The following HCAR1 variants were observed in gnomAD, a reference collection of about 807,000 sequenced individuals.
HCAR1 encodes hydroxycarboxylic acid receptor 1, also known as G protein-coupled receptor 104.
For missense variants in HCAR1, 445 were observed against 448.7 expected, an observed-to-expected ratio of 0.99 and a Z score of 0.07; for synonymous variants, 183 against 182.1, an observed-to-expected ratio of 1.01 and a Z score of -0.04.
In HCAR1 at chr12:122,730,320, C is replaced by G. The variant is rs764351056; in HGVS notation, c.20G>C (p.Cys7Ser). ...GGAGATGGTGTCCCCCTCGATGCGG[C>G]AGCACGACCCGTTGTACATGGCGGG... The part of the protein sequence containing the change: MYNGSC[C>S]RIEGDTISQV... Residue 7 changes from cysteine (C) to serine (S), a missense_variant, in exon 1 of 1, where the codon TGC becomes TCC. By Grantham distance (112) the Cys-to-Ser change is moderately radical (BLOSUM62 -1). Transcript: ENST00000432564. 1.4e-5 allele frequency: 22 copies of G among 1,582,906 alleles called. No individual in the cohort carries two copies. The South Asian group carries it at 2.5e-4, about 18-fold the overall frequency.
rs1877925902 is a variant in HCAR1, at chr12:122,730,623, C to CAT, written c.-286_-285dup. 8.1e-6 allele frequency: 3 copies of CAT among 369,944 alleles called. No individual in the cohort carries two copies. Among genetic ancestry groups the CAT allele is most frequent in the Non-Finnish European group, 1.0e-5 (2 of 197,966 alleles). The allele number at this position is 369,944 out of a possible 1,614,324, so 22.9% of individuals were successfully genotyped here. A position where few individuals can be genotyped will look rare whatever the true frequency, so the allele number is the denominator to read the frequency against. On this transcript the variant is annotated 5_prime_UTR_variant, in exon 1 of 1. It adds an upstream start codon to the 5' untranslated region. Coordinates refer to ENST00000432564, the MANE Select transcript of HCAR1 (RefSeq NM_032554.4). Reference sequence around the variant, plus strand: ...TGGAGCCGGATGAAGCTTGGAAATGCATGCAATTTTGCAAAAGTGGTCATT... The same window carrying CAT: ...TGGAGCCGGATGAAGCTTGGAAATGCATATGCAATTTTGCAAAAGTGGTCATT...
chr12:122,730,170 A>T lies in HCAR1; in HGVS notation c.170T>A (p.Leu57Ter). 1.2e-6 allele frequency: 2 copies of T among 1,614,192 alleles called. No homozygotes were observed. The highest frequency in any genetic ancestry group is 1.7e-6 in the Non-Finnish European group (2 of 1,180,024). The change falls in exon 1 of 1, where the codon TTG becomes TAG. Residue 57 changes from leucine to a stop codon, truncating the protein, a stop_gained. Coordinates refer to ENST00000432564, the MANE Select transcript of HCAR1 (RefSeq NM_032554.4). LOFTEE classifies it low-confidence loss of function (END_TRUNC). ...WKPSTVYLFN[L>*]AVADFLLMIC... ...CATAAGGAGGAAATCAGCCACGGCC[A>T]AATTGAAAAGGTAAACAGTGCTGGG...
chr12:122,729,164 G>T lies in HCAR1; in HGVS notation c.*135C>A. ...GTGAATTTCATTTCCGACAGAATGA[G>T]AAGGATGCAGTTCATGTGCGAGAAG... is the stretch of plus-strand genomic sequence containing the variant. On this transcript the variant is annotated 3_prime_UTR_variant, in exon 1 of 1. Transcript: ENST00000432564. The T allele has an allele frequency of 1.4e-6, 1 of 737,660 alleles. No homozygotes were observed. The highest frequency in any genetic ancestry group is 2.2e-6 in the Non-Finnish European group (1 of 447,442). The allele number at this position is 737,660 out of a possible 1,614,324, so 45.7% of individuals were successfully genotyped here.
In HCAR1 at chr12:122,728,619, A is replaced by T. The variant is rs1371468732; in HGVS notation, c.*680T>A. The T allele has an allele frequency of 2.6e-5, 4 of 152,730 alleles. No homozygotes were observed. The East Asian group carries it at 5.8e-4, about 22-fold the overall frequency. The allele number at this position is 152,730 out of a possible 1,614,324, so 9.5% of individuals were successfully genotyped here. On this transcript the variant is annotated 3_prime_UTR_variant, in exon 1 of 1. Transcript: ENST00000432564. ...TGCTAACTGCCCCATAGCCCCTAAG[A>T]GAGTGAACATGCCCCATTCAAACAC...
rs1566052666 is a variant in HCAR1 at position 122,730,139 on chromosome 12, G to A, written c.201C>T (p.Cys67=). The A allele has an allele frequency of 6.2e-7, 1 of 1,614,180 alleles. No individual in the cohort carries two copies. Among genetic ancestry groups the A allele is most frequent in the Non-Finnish European group, 8.5e-7 (1 of 1,180,034 alleles). The change falls in exon 1 of 1, where the codon TGC becomes TGT. Residue 67 remains cysteine, a synonymous_variant. Transcript: ENST00000432564. ...GGTAATAGTCTGTCCGAAAAGGCAG[G>A]CAGATCATAAGGAGGAAATCAGCCA... is the stretch of plus-strand genomic sequence containing the variant. The part of the protein sequence containing the change: ...LAVADFLLMI[C]LPFRTDYYLR...
At position 122,726,780 on chromosome 12, in the gene HCAR1, T is replaced by C. The variant is rs10773515; in HGVS notation, c.*2519A>G. 48,476 of 151,388 alleles carry C rather than the reference T, an allele frequency of 0.32. 8,076 individuals carry two copies. Among genetic ancestry groups the C allele is most frequent in the Middle Eastern group, 0.36 (104 of 292 alleles). 9.4% of individuals were successfully genotyped at this position (151,388 alleles called of 1,614,324 possible). ...ACAAAAAATTAGCCGGGCGTGGTGGTGGGGCGCCCGTAGTCCCAGCTACTC... is the reference window on the plus strand; with the variant it reads ...ACAAAAAATTAGCCGGGCGTGGTGGCGGGGCGCCCGTAGTCCCAGCTACTC... On this transcript the variant is annotated 3_prime_UTR_variant, in exon 1 of 1. Coordinates refer to ENST00000432564, the MANE Select transcript of HCAR1 (RefSeq NM_032554.4).
chr12:122,729,384 C>T lies in HCAR1; in HGVS notation c.956G>A (p.Gly319Asp). Residue 319 changes from glycine (G) to aspartate (D), a missense_variant, in exon 1 of 1, where the codon GGT (glycine) becomes GAT (aspartate). Physicochemically the swap from Gly to Asp is moderately conservative, Grantham distance 94. Transcript: ENST00000432564. ...RPEEMPISNL[G>D]RRSCISVANS... Reference sequence around the variant, plus strand: ...TGCCACACTGATGCAACTCCTGCGACCGAGGTTCGAAATTGGCATCTCTTC... The same window carrying T: ...TGCCACACTGATGCAACTCCTGCGATCGAGGTTCGAAATTGGCATCTCTTC... 6.2e-7 allele frequency: 1 copy of T among 1,614,116 alleles called. No homozygotes were observed.
At position 122,730,004 on chromosome 12, in the gene HCAR1, GT is replaced by G; in HGVS notation, c.335del (p.Asp112AlafsTer13). 6.2e-7 allele frequency: 1 copy of G among 1,613,940 alleles called. No individual in the cohort carries two copies. ...SIVFLTVVAA[D>X]RYFKVVHPHH... Reference sequence around the variant, plus strand: ...GGGGGTGGACCACTTTGAAATACCTGTCCGCAGCCACCACCGTAAGGAACAC... The same window carrying G: ...GGGGGTGGACCACTTTGAAATACCTGCCGCAGCCACCACCGTAAGGAACAC... On this transcript the variant is annotated frameshift_variant, in exon 1 of 1. Coordinates refer to ENST00000432564, the MANE Select transcript of HCAR1 (RefSeq NM_032554.4). LOFTEE classifies it low-confidence loss of function (END_TRUNC).
In HCAR1 at chr12:122,729,117, C is replaced by T. The variant is rs1425968380; in HGVS notation, c.*182G>A. On this transcript the variant is annotated 3_prime_UTR_variant, in exon 1 of 1. Transcript: ENST00000432564. Reference sequence around the variant, plus strand: ...GCCAACTCACTTCAATCAACTGGAACCTCCCCAAAAGGTATAGTTGTGTGA... The same window carrying T: ...GCCAACTCACTTCAATCAACTGGAATCTCCCCAAAAGGTATAGTTGTGTGA... The T allele has an allele frequency of 1.6e-6, 1 of 623,254 alleles. No homozygotes were observed. The highest frequency in any genetic ancestry group is 2.8e-5 in the East Asian group (1 of 36,218). The allele number at this position is 623,254 out of a possible 1,614,324, so 38.6% of individuals were successfully genotyped here. A position where few individuals can be genotyped will look rare whatever the true frequency, so the allele number is the denominator to read the frequency against.
rs776830065 is a variant in HCAR1 at position 122,730,222 on chromosome 12, A to T, written c.118T>A (p.Phe40Ile). 1.9e-6 allele frequency: 3 copies of T among 1,614,206 alleles called. No homozygotes were observed. The highest frequency in any genetic ancestry group is 2.5e-6 in the Non-Finnish European group (3 of 1,180,020). ...TTCCAGGTCTTCATGTGGAAGCAGA[A>T]ACCACACAGGGCGACCCCATTGCCT... ...ALGNGVALCG[F>I]CFHMKTWKPS... Residue 40 changes from phenylalanine (F) to isoleucine (I), a missense_variant, in exon 1 of 1, where the codon TTC becomes ATC. Physicochemically the swap from Phe to Ile is conservative, Grantham distance 21 (BLOSUM62 0). Transcript: ENST00000432564.
Position 122,730,385 on chromosome 12 carries a change from C to A in HCAR1, c.-46G>T, listed in dbSNP as rs758105228. Reference sequence around the variant, plus strand: ...CCGGGTGCAGAGCAGCCCAGGGAGTCCCCACAATGGCACAGATGCTTATCT... The same window carrying A: ...CCGGGTGCAGAGCAGCCCAGGGAGTACCCACAATGGCACAGATGCTTATCT... On this transcript the variant is annotated 5_prime_UTR_variant, in exon 1 of 1. Coordinates refer to ENST00000432564, the MANE Select transcript of HCAR1 (RefSeq NM_032554.4). 7.0e-7 allele frequency: 1 copy of A among 1,438,266 alleles called. No individual in the cohort carries two copies. The highest frequency in any genetic ancestry group is 9.4e-7 in the Non-Finnish European group (1 of 1,067,742). The allele number at this position is 1,438,266 out of a possible 1,614,324, so 89.1% of individuals were successfully genotyped here. A position where few individuals can be genotyped will look rare whatever the true frequency, so the allele number is the denominator to read the frequency against.
rs767045751 is a variant in HCAR1 at position 122,729,858 on chromosome 12, G to A, written c.482C>T (p.Thr161Met). The part of the protein sequence containing the change: ...LLENHLCVQE[T>M]AVSCESFIME... ...GATGAAGCTCTCACAGGAGACGGCC[G>A]TCTCTTGCACGCAGAGATGGTTCTC... Residue 161 changes from threonine (T) to methionine (M), a missense_variant, in exon 1 of 1, where the codon ACG becomes ATG. Thr to Met is a moderately conservative substitution (Grantham distance 81). Coordinates refer to ENST00000432564, the MANE Select transcript of HCAR1 (RefSeq NM_032554.4). 8 of 1,610,756 alleles carry A rather than the reference G, an allele frequency of 5.0e-6. No homozygotes were observed. Among genetic ancestry groups the A allele is most frequent in the Non-Finnish European group, 5.1e-6 (6 of 1,178,324 alleles).
Position 122,727,193 on chromosome 12 carries a change from C to T in HCAR1, c.*2106G>A, listed in dbSNP as rs1877815220. 6.6e-6 allele frequency: 1 copy of T among 151,840 alleles called. No homozygotes were observed. Among genetic ancestry groups the T allele is most frequent in the Non-Finnish European group, 1.5e-5 (1 of 68,026 alleles). 9.4% of individuals were successfully genotyped at this position (151,840 alleles called of 1,614,324 possible). The stretch of plus-strand genomic sequence containing the variant: ...ATTCAGGAGGCTGAGGTGGGAGGAA[C>T]ACTTGAGCCCAGGAGTTTGAGGCTG... On this transcript the variant is annotated 3_prime_UTR_variant, in exon 1 of 1. Transcript: ENST00000432564.
Position 122,730,181 on chromosome 12 carries a change from G to A in HCAR1, c.159C>T (p.Tyr53=). 6.2e-7 allele frequency: 1 copy of A among 1,614,206 alleles called. No homozygotes were observed. The highest frequency in any genetic ancestry group is 8.5e-7 in the Non-Finnish European group (1 of 1,180,032). The part of the protein sequence containing the change: ...HMKTWKPSTV[Y]LFNLAVADFL... ...AATCAGCCACGGCCAAATTGAAAAG[G>A]TAAACAGTGCTGGGCTTCCAGGTCT... The change falls in exon 1 of 1, where the codon TAC becomes TAT. Residue 53 remains tyrosine (Y), a synonymous_variant. Transcript: ENST00000432564.
chr12:122,728,463 A>G lies in HCAR1; in HGVS notation c.*836T>C, dbSNP rs1877844938. The G allele has an allele frequency of 6.6e-6, 1 of 152,244 alleles. No individual in the cohort carries two copies. The highest frequency in any genetic ancestry group is 6.5e-5 in the Admixed American group (1 of 15,282). The allele number at this position is 152,244 out of a possible 1,614,324, so 9.4% of individuals were successfully genotyped here. Reference sequence around the variant, plus strand: ...TACAGATGTACAAAGAAATGTAAAGATGAAAATTGATAGATCAATAGATCC... The same window carrying G: ...TACAGATGTACAAAGAAATGTAAAGGTGAAAATTGATAGATCAATAGATCC... On this transcript the variant is annotated 3_prime_UTR_variant, in exon 1 of 1. Coordinates refer to ENST00000432564, the MANE Select transcript of HCAR1 (RefSeq NM_032554.4).
rs2135498651 is a variant in HCAR1, at chr12:122,730,454, C to T, written c.-115G>A. The T allele has an allele frequency of 3.8e-6, 3 of 796,818 alleles. No individual in the cohort carries two copies. In the Admixed American group the frequency reaches 9.6e-5, roughly 25 times the overall value. 49.4% of individuals were successfully genotyped at this position (796,818 alleles called of 1,614,324 possible). On this transcript the variant is annotated 5_prime_UTR_variant, in exon 1 of 1. The change creates a new upstream start codon in the 5' untranslated region. Transcript: ENST00000432564. Reference sequence around the variant, plus strand: ...AGCTGCTGCGTGTCTGACTTCATCACCCAGGATGCGGGTCCTGTGTGTGTG... The same window carrying T: ...AGCTGCTGCGTGTCTGACTTCATCATCCAGGATGCGGGTCCTGTGTGTGTG...
In HCAR1 at chr12:122,726,137, A is replaced by T. The variant is rs957106449; in HGVS notation, c.*3162T>A. The T allele has an allele frequency of 6.6e-6, 1 of 152,196 alleles. No individual in the cohort carries two copies. The highest frequency in any genetic ancestry group is 6.6e-5 in the Admixed American group (1 of 15,266). The allele number at this position is 152,196 out of a possible 1,614,324, so 9.4% of individuals were successfully genotyped here. ...ACAAAGGAGCAACAGCCCAGGAGAG[A>T]ATTCTAAGAATAGAACTAAAAGCAG... On this transcript the variant is annotated 3_prime_UTR_variant, in exon 1 of 1. Coordinates refer to ENST00000432564, the MANE Select transcript of HCAR1 (RefSeq NM_032554.4).
chr12:122,730,253 G>A lies in HCAR1; in HGVS notation c.87C>T (p.Gly29=), dbSNP rs143367649. Residue 29 remains glycine, a synonymous_variant, in exon 1 of 1, where the codon GGC becomes GGT. Coordinates refer to ENST00000432564, the MANE Select transcript of HCAR1 (RefSeq NM_032554.4). ...ACAGGGCGACCCCATTGCCTAGTGC[G>A]CCCAGCACAAAGGCCACAATGAGCA... The part of the protein sequence containing the change: ...PPLLIVAFVL[G]ALGNGVALCG... 6.2e-4 allele frequency: 1,004 copies of A among 1,612,768 alleles called. 16 individuals carry two copies. In the East Asian group the frequency reaches 0.022, roughly 35 times the overall value.
In HCAR1 at chr12:122,728,958, C is replaced by A; in HGVS notation, c.*341G>T. 1 of 282,646 alleles carries A rather than the reference C, an allele frequency of 3.5e-6. No individual in the cohort carries two copies. The highest frequency in any genetic ancestry group is 3.9e-5 in the South Asian group (1 of 25,608). The allele number at this position is 282,646 out of a possible 1,614,324, so 17.5% of individuals were successfully genotyped here. A position where few individuals can be genotyped will look rare whatever the true frequency, so the allele number is the denominator to read the frequency against. ...CTCCAGCCTGGGACACAGAGTGAGA[C>A]TCTGTCTCAAAACAAAAACAAACAA... On this transcript the variant is annotated 3_prime_UTR_variant, in exon 1 of 1. Transcript: ENST00000432564.
Sources: gnomAD v4.1 joint callset for allele counts on GRCh38, gnomAD v4.1.1 for gene constraint, MANE v1.5 for transcripts, NCBI Gene and HGNC (gene_info 2026-07-23, HGNC 2026-07-21) for gene names.